ZDHHC20: variants seen among roughly 807,000 people sequenced by gnomAD.
The protein encoded by ZDHHC20 is zDHHC palmitoyltransferase 20, also known as palmitoyltransferase ZDHHC20.
A neutral mutation model predicts 57.8 loss-of-function variants in ZDHHC20; 43 were observed. The observed-to-expected ratio is 0.74, with a 90% CI of 0.58 to 0.96. The LOEUF is 0.96. ZDHHC20 is among the 40% of genes least tolerant of loss of function. ZDHHC20 has a pLI of 0.00. For synonymous variants in ZDHHC20, 157 were observed against 153.0 expected (o/e 1.03, Z -0.19); for missense variants, 391 against 441.1 (o/e 0.89, Z 1.02).
chr13:21,421,119 A>G lies in ZDHHC20; in HGVS notation c.191T>C (p.Met64Thr). The stretch of plus-strand genomic sequence containing the variant: ...TGTCATCCAATAGGACCATACAAAC[A>G]TAACAAAGAACAGATGGAAAGCCAC... ...YLVAFHLFFVMFVWSYWMTIF... is the reference protein window; with the variant it reads ...YLVAFHLFFVTFVWSYWMTIF... The change falls in exon 3 of 13, where the codon ATG becomes ACG. Residue 64 changes from methionine to threonine, a missense_variant. Physicochemically the swap from Met to Thr is moderately conservative, Grantham distance 81. Transcript: ENST00000400590. 1 of 1,613,460 alleles carries G rather than the reference A, an allele frequency of 6.2e-7. No homozygotes were observed. Among genetic ancestry groups the G allele is most frequent in the South Asian group, 1.1e-5 (1 of 91,048 alleles).
chr13:21,399,078 C>T (rs1877242833), intron 7 of ZDHHC20, among the ~76,000 whole-genome samples: 1 of 152,178 alleles, frequency 6.6e-6, no homozygotes, highest in African/African-American at 2.4e-5. Flanking sequence ...TGCAGTGGCT[C>T]ACACTTGTAA....
intron 7 of ZDHHC20, among the ~76,000 whole-genome samples, chr13:21,394,798 T>A (rs1284066679): frequency 6.6e-6 from 1 of 152,046 alleles, no homozygotes; most frequent in African/African-American, 2.4e-5. Flanking sequence ...AAGGGGGAAA[T>A]CAAAAGCCAA....
Position 21,372,922 on chromosome 13 carries a change from C to A in ZDHHC20, c.*3774G>T, listed in dbSNP as rs181525249. On this transcript the variant is annotated 3_prime_UTR_variant, in exon 13 of 13. Transcript: ENST00000400590. ...CTTTCTTCATCTTTTAATACAAGTA[C>A]AATTCCTTGCTTCTTTATGCAACCT... 1 of 152,126 alleles carries A rather than the reference C, an allele frequency of 6.6e-6. No homozygotes were observed. Among genetic ancestry groups the A allele is most frequent in the African/African-American group, 2.4e-5 (1 of 41,436 alleles). 9.4% of individuals were successfully genotyped at this position (152,126 alleles called of 1,614,324 possible).
intron 1 of ZDHHC20, among the ~76,000 whole-genome samples, chr13:21,448,095 C>T (rs1463780956): frequency 8.9e-4 from 127 of 142,442 alleles, no homozygotes; most frequent in African/African-American, 2.7e-3. Context: ...GCAGCCGCCC[C>T]GTCTGGGAGG....
At chr13:21,436,653 C>T (rs556615540) in intron 1 of ZDHHC20, among the ~76,000 whole-genome samples, 2 of 152,286 alleles carry the variant, frequency 1.3e-5, no homozygotes, top group East Asian at 1.9e-4. Flanking sequence ...TATCTCTCTC[C>T]GTCTCCTTGG....
At chr13:21,405,666 G>A (rs1878336489) in intron 4 of ZDHHC20, among the ~76,000 whole-genome samples, 1 of 152,122 alleles carries the variant, frequency 6.6e-6, no homozygotes, top group African/African-American at 2.4e-5. Context: ...ACTACTGGGA[G>A]CATATTCTTT....
chr13:21,454,287 T>C (rs1412077751), intron 1 of ZDHHC20, among the ~76,000 whole-genome samples: 1 of 152,064 alleles, frequency 6.6e-6, no homozygotes, highest in Non-Finnish European at 1.5e-5. Flanking sequence ...GATCGCCACA[T>C]TGCACTGAAG....
chr13:21,397,591 A>AT (rs1042901836), intron 7 of ZDHHC20, among the ~76,000 whole-genome samples: 2 of 151,814 alleles, frequency 1.3e-5, no homozygotes, highest in Admixed American at 6.6e-5. Flanking sequence ...AGCCTGGGAG[A>AT]TTGAAACTGC....
intron 1 of ZDHHC20, among the ~76,000 whole-genome samples, chr13:21,444,404 G>T (rs916174902): frequency 1.3e-5 from 2 of 152,090 alleles, no homozygotes; most frequent in African/African-American, 4.8e-5. Flanking sequence ...AAAAGGGAGA[G>T]AATTTTTCAT....
rs995055858 is a variant in ZDHHC20 at position 21,374,591 on chromosome 13, G to A, written c.*2105C>T. On this transcript the variant is annotated 3_prime_UTR_variant, in exon 13 of 13. Transcript: ENST00000400590. ...TTGCTAGAATCAAGATTACTAAGGA[G>A]TTGAAACAAAGGTAGAAGAATCCAT... The A allele has an allele frequency of 7.0e-6, 2 of 287,022 alleles. No homozygotes were observed. Among genetic ancestry groups the A allele is most frequent in the African/African-American group, 2.2e-5 (1 of 45,754 alleles). The allele number at this position is 287,022 out of a possible 1,614,324, so 17.8% of individuals were successfully genotyped here.
intron 1 of ZDHHC20, among the ~76,000 whole-genome samples, chr13:21,448,810 A>T (rs1469580885): frequency 5.5e-5 from 5 of 91,202 alleles, no homozygotes; most frequent in Admixed American, 2.1e-4. Flanking sequence ...GAGAAATCGG[A>T]TGGTTGCCGT....
In ZDHHC20 at chr13:21,421,055, A is replaced by G. The variant is rs1348074422; in HGVS notation, c.249+6T>C. 1 of 1,609,068 alleles carries G rather than the reference A, an allele frequency of 6.2e-7. No homozygotes were observed. The highest frequency in any genetic ancestry group is 1.1e-5 in the South Asian group (1 of 90,868). On this transcript the variant is annotated splice_donor_region_variant and intron_variant, in intron 3 of 12. Transcript: ENST00000400590. The stretch of plus-strand genomic sequence containing the variant: ...ACATTTGGTAATTTACCAACATTAA[A>G]TTTACCTCTTTGGAGGGGGAAGCGG...
chr13:21,412,041 T>C (rs541934852), intron 4 of ZDHHC20, among the ~76,000 whole-genome samples: 1 of 152,258 alleles, frequency 6.6e-6, no homozygotes, highest in South Asian at 2.1e-4. Flanking sequence ...CATGCCAAGG[T>C]GAATGATGAA....
rs1250232149 is a variant in ZDHHC20 at position 21,384,440 on chromosome 13, G to A, written c.855-1431C>T. Among the ~76,000 whole-genome samples, 4 of 113,432 alleles carry A rather than the reference G, an allele frequency of 3.5e-5. No homozygotes were observed. In the Admixed American group the frequency reaches 5.2e-4, roughly 15 times the overall value. The allele number at this position is 113,432 out of a possible 152,430, so 74.4% of individuals were successfully genotyped here. ...GAGCACTCAGCCTGCCTCACTTTGA[G>A]ACAGAGACTCTATCTCCAAAAAAAA... On this transcript the variant is annotated intron_variant, in intron 9 of 12. Transcript: ENST00000400590.
chr13:21,448,224 C>T, intron 1 of ZDHHC20, among the ~76,000 whole-genome samples: 1 of 83,470 alleles, frequency 1.2e-5, no homozygotes, highest in Non-Finnish European at 3.1e-5. Flanking sequence ...GCCAGCTGCC[C>T]CATCCGGGAG....
At chr13:21,455,194 C>T (rs1217322689) in intron 1 of ZDHHC20, among the ~76,000 whole-genome samples, 1 of 152,162 alleles carries the variant, frequency 6.6e-6, no homozygotes, top group Non-Finnish European at 1.5e-5. Context: ...GCTGGGATTA[C>T]AGGTGTGAGC....
intron 3 of ZDHHC20, among the ~76,000 whole-genome samples, chr13:21,414,493 T>A (rs1444885587): frequency 6.7e-6 from 1 of 150,274 alleles, no homozygotes; most frequent in Non-Finnish European, 1.5e-5. Context: ...CCCGAGTAGC[T>A]GGGACTACAG....
chr13:21,408,046 G>C (rs1306209074), intron 4 of ZDHHC20, among the ~76,000 whole-genome samples: 1 of 152,166 alleles, frequency 6.6e-6, no homozygotes, highest in Non-Finnish European at 1.5e-5. Flanking sequence ...TTGAGGTCAG[G>C]TAATGTGATG....
At chr13:21,415,896 C>G (rs1199154428) in intron 3 of ZDHHC20, among the ~76,000 whole-genome samples, 1 of 152,092 alleles carries the variant, frequency 6.6e-6, no homozygotes, top group African/African-American at 2.4e-5. Flanking sequence ...AACATCATTA[C>G]TTTTCCTTAA....
Sources: allele counts gnomAD v4.1 joint callset (sites outside exome capture counted in the v4.1 genomes callset), GRCh38; gene constraint gnomAD v4.1.1; transcripts MANE v1.5; gene names NCBI Gene and HGNC (gene_info 2026-07-23, HGNC 2026-07-21).